YWHAZ: variants seen among roughly 807,000 people sequenced by gnomAD.
The protein encoded by YWHAZ is tyrosine 3-monooxygenase/tryptophan 5-monooxygenase activation protein zeta.
For synonymous variants in YWHAZ, 87 were observed against 103.6 expected (o/e 0.84, Z 0.97); for missense variants, 79 against 284.8 (o/e 0.28, Z 5.20).
intron 2 of YWHAZ, among the ~76,000 whole-genome samples, chr8:100,930,236 C>G (rs1813672786): frequency 6.6e-6 from 1 of 152,184 alleles, no homozygotes; most frequent in Admixed American, 6.5e-5. Flanking sequence ...GTAGCCGGGA[C>G]TGCAGGCACA....
rs1813072263 is a variant in YWHAZ, at chr8:100,922,279, C to T, written c.679-1527G>A. ...GTTTTGGGATAATTTCTTTTCTTGA[C>T]AGATAAATGTTCCAATCAACCTATA... is the stretch of plus-strand genomic sequence containing the variant. On this transcript the variant is annotated intron_variant, in intron 5 of 5. Transcript: ENST00000395958. The surrounding 1 kb of genome is among the most constrained non-coding windows in gnomAD (Gnocchi z 4.1). 6.6e-6 allele frequency among the ~76,000 whole-genome samples: 1 copy of T among 152,074 alleles called. No individual in the cohort carries two copies. Among genetic ancestry groups the T allele is most frequent in the African/African-American group, 2.4e-5 (1 of 41,406 alleles).
intron 2 of YWHAZ, among the ~76,000 whole-genome samples, chr8:100,942,249 A>C (rs1177672801): frequency 6.6e-6 from 1 of 152,204 alleles, no homozygotes; most frequent in African/African-American, 2.4e-5. Flanking sequence ...ATAGAAAAAA[A>C]AACTAGTGAA....
chr8:100,940,897 T>C (rs1269863585), intron 2 of YWHAZ, among the ~76,000 whole-genome samples: 1 of 152,236 alleles, frequency 6.6e-6, no homozygotes, highest in East Asian at 1.9e-4. Flanking sequence ...CACTTTAGTA[T>C]CCTTTATTTT....
intron 5 of YWHAZ, among the ~76,000 whole-genome samples, chr8:100,921,995 A>G (rs906616999): frequency 2.0e-5 from 3 of 152,208 alleles, no homozygotes; most frequent in Non-Finnish European, 4.4e-5. Flanking sequence ...CTAAGCAAAT[A>G]TATCTCTGGC....
At chr8:100,941,735 A>C (rs1809874867) in intron 2 of YWHAZ, among the ~76,000 whole-genome samples, 1 of 150,996 alleles carries the variant, frequency 6.6e-6, no homozygotes. Flanking sequence ...CAGTGAGGCG[A>C]GATTGTGCCA....
At chr8:100,930,646 T>C (rs1813699282) in intron 2 of YWHAZ, among the ~76,000 whole-genome samples, 1 of 152,196 alleles carries the variant, frequency 6.6e-6, no homozygotes, top group African/African-American at 2.4e-5. Context: ...TAAGTTTTAC[T>C]TTTTTCCCTC....
At position 100,918,366 on chromosome 8, in the gene YWHAZ, A is replaced by G; in HGVS notation, c.*2327T>C. 1 of 134,390 alleles carries G rather than the reference A, an allele frequency of 7.4e-6. No individual in the cohort carries two copies. The allele number at this position is 134,390 out of a possible 1,614,324, so 8.3% of individuals were successfully genotyped here. ...CTCCAAAAAAAAAAAAAACAACAAA[A>G]AAATTCCCACCTCTTCAGTCTAGCT... On this transcript the variant is annotated 3_prime_UTR_variant, in exon 6 of 6. Transcript: ENST00000395958.
rs909921173 is a variant in YWHAZ at position 100,916,703 on chromosome 8, C to A, written c.*3990G>T. 4 of 152,194 alleles carry A rather than the reference C, an allele frequency of 2.6e-5. No homozygotes were observed. The highest frequency in any genetic ancestry group is 5.9e-5 in the Non-Finnish European group (4 of 68,046). 9.4% of individuals were successfully genotyped at this position (152,194 alleles called of 1,614,324 possible). On this transcript the variant is annotated 3_prime_UTR_variant, in exon 6 of 6. Coordinates refer to ENST00000395958, the MANE Select transcript of YWHAZ (RefSeq NM_145690.3). ...CATCTCTGGTATCACCTAGGATTGGCTAACATTATGCTTAAATATATTAAC... is the reference window on the plus strand; with the variant it reads ...CATCTCTGGTATCACCTAGGATTGGATAACATTATGCTTAAATATATTAAC...
At chr8:100,921,720 C>CAA (rs1813039437) in intron 5 of YWHAZ, among the ~76,000 whole-genome samples, 1 of 152,162 alleles carries the variant, frequency 6.6e-6, no homozygotes, top group Admixed American at 6.5e-5. Context: ...AAATGCTGGA[C>CAA]AAAAACCAGA....
At chr8:100,920,786 T>G in intron 5 of YWHAZ, 34 bp from the exon 6 acceptor site, 1 of 344,952 alleles carries the variant, frequency 2.9e-6, no homozygotes, top group Non-Finnish European at 4.6e-6. Flanking sequence ...TCAGCAAGTT[T>G]CAGTGGGATG....
intron 2 of YWHAZ, among the ~76,000 whole-genome samples, chr8:100,931,200 C>G (rs977072232): frequency 1.2e-4 from 18 of 152,164 alleles, no homozygotes; most frequent in Admixed American, 4.6e-4. Flanking sequence ...CAAAGATAGT[C>G]TATATTTACA....
chr8:100,946,885 CAA>C (rs145007143), intron 2 of YWHAZ, among the ~76,000 whole-genome samples: 2 of 73,086 alleles, frequency 2.7e-5, no homozygotes. Flanking sequence ...GTAAGGTGAG[CAA>C]AAAAAAAAAA....
chr8:100,951,989 GGCGGCA>G lies in YWHAZ; in HGVS notation c.-78_-73del. ...GGCTCAGCAGTCTCTGGGCGGCGGCGGCGGCAGCAGCGGCGAGGCTGAGACTCTGTC... is the reference window on the plus strand; with the variant it reads ...GGCTCAGCAGTCTCTGGGCGGCGGCGGCAGCGGCGAGGCTGAGACTCTGTC... On this transcript the variant is annotated 5_prime_UTR_variant, in exon 1 of 6. Coordinates refer to ENST00000395958, the MANE Select transcript of YWHAZ (RefSeq NM_145690.3). 1.0e-6 allele frequency: 1 copy of G among 1,004,586 alleles called. No homozygotes were observed. Among genetic ancestry groups the G allele is most frequent in the Non-Finnish European group, 1.2e-6 (1 of 843,014 alleles). 62.2% of individuals were successfully genotyped at this position (1,004,586 alleles called of 1,614,324 possible).
intron 5 of YWHAZ, chr8:100,923,709 C>A: frequency 3.0e-6 from 1 of 333,422 alleles, no homozygotes; most frequent in Non-Finnish European, 5.4e-6. Context: ...ACTTTTGATA[C>A]TAACAAATTT....
chr8:100,951,422 G>GGCGGCCGAGGGAGAGGGGAGGGA (rs1810766386), intron 1 of YWHAZ: 1 of 981,488 alleles, frequency 1.0e-6, no homozygotes, highest in Non-Finnish European at 1.2e-6. Flanking sequence ...GAAAGGAGGG[G>GGCGGCCGAGGGAGAGGGGAGGGA]GCGGCCGAGG....
intron 2 of YWHAZ, among the ~76,000 whole-genome samples, chr8:100,929,892 A>G (rs1238643001): frequency 6.6e-6 from 1 of 152,216 alleles, no homozygotes; most frequent in Non-Finnish European, 1.5e-5. Context: ...TGCACCAAGT[A>G]GAGAATGGAA....
chr8:100,951,307 C>A (rs1018363848), intron 1 of YWHAZ: 2 of 984,516 alleles, frequency 2.0e-6, no homozygotes, highest in Admixed American at 6.2e-5. Context: ...CGCTTGGGTC[C>A]CCGAGGCCCC....
chr8:100,935,368 A>G (rs984875835), intron 2 of YWHAZ, among the ~76,000 whole-genome samples: 5 of 152,196 alleles, frequency 3.3e-5, no homozygotes, highest in Non-Finnish European at 2.9e-5. Flanking sequence ...AACATCCTAA[A>G]AACTATTTTT....
intron 2 of YWHAZ, among the ~76,000 whole-genome samples, chr8:100,925,315 G>T (rs1813285288): frequency 6.6e-6 from 1 of 152,170 alleles, no homozygotes; most frequent in African/African-American, 2.4e-5. Flanking sequence ...TTTACATGCT[G>T]ACTTCATGAA....
Sources: gnomAD v4.1 joint callset for allele counts (sites outside exome capture counted in the v4.1 genomes callset) on GRCh38, gnomAD v4.1.1 for gene constraint, Gnocchi (gnomAD v3.1) non-coding constraint, MANE v1.5 for transcripts, NCBI Gene and HGNC (gene_info 2026-07-23, HGNC 2026-07-21) for gene names.